NAV2: variants seen among roughly 807,000 people sequenced by gnomAD.
NAV2 encodes helicase, APC down-regulated 1.
A neutral mutation model predicts 223.2 loss-of-function variants in NAV2; 54 were observed. The ratio of observed to expected loss-of-function variants is 0.24; its 90% CI spans 0.19 to 0.30. NAV2 has a LOEUF of 0.30. Among genes scored for constraint, NAV2 ranks in the 10% least tolerant of loss-of-function variants. The pLI, the probability that NAV2 is intolerant of heterozygous loss-of-function variation, is 1.00. For missense variants in NAV2, 2,806 were observed against 3,147.5 expected (o/e 0.89, Z 2.60); for synonymous variants, 1,279 against 1,239.3 (o/e 1.03, Z -0.67).
chr11:19,513,579 T>C (rs192039502), intron 1 of NAV2, among the ~76,000 whole-genome samples: 95 of 152,318 alleles, frequency 6.2e-4, no homozygotes, highest in Non-Finnish European at 1.1e-3. Flanking sequence ...TGGCACACTA[T>C]GTAAATCTCT....
intron 10 of NAV2, among the ~76,000 whole-genome samples, chr11:19,978,440 A>G (rs1483822995): frequency 4.6e-5 from 7 of 152,180 alleles, no homozygotes; most frequent in African/African-American, 1.7e-4. Flanking sequence ...AATGCAACAA[A>G]GTATGTGTTG....
At chr11:19,514,034 C>T (rs1399773201) in intron 1 of NAV2, among the ~76,000 whole-genome samples, 1 of 152,172 alleles carries the variant, frequency 6.6e-6, no homozygotes, top group African/African-American at 2.4e-5. Flanking sequence ...TTTAAGCCAC[C>T]CAGTTTGTGG....
chr11:19,547,442 A>G (rs1021870611), intron 1 of NAV2, among the ~76,000 whole-genome samples: 1 of 152,282 alleles, frequency 6.6e-6, no homozygotes. Context: ...ACCTCATTGA[A>G]GCTGATTTTT....
intron 1 of NAV2, among the ~76,000 whole-genome samples, chr11:19,801,379 C>T (rs892916487): frequency 2.0e-5 from 3 of 152,248 alleles, no homozygotes; most frequent in African/African-American, 7.2e-5. Context: ...TGCTGTCCTC[C>T]TTGGGCACCT....
upstream of NAV2, among the ~76,000 whole-genome samples, chr11:19,708,599 A>G (rs1323033110): frequency 6.6e-6 from 1 of 152,168 alleles, no homozygotes; most frequent in East Asian, 1.9e-4. Context: ...CTCACAGGTC[A>G]GGTCTGAAGC....
chr11:19,756,179 G>A (rs549174379), intron 1 of NAV2, among the ~76,000 whole-genome samples: 3 of 152,238 alleles, frequency 2.0e-5, no homozygotes, highest in South Asian at 2.1e-4. Flanking sequence ...GGTTGGTTAC[G>A]TCTGGATTCC....
At position 19,892,237 on chromosome 11, in the gene NAV2, A is replaced by G. The variant is rs748576060; in HGVS notation, c.771-197A>G. Among the ~76,000 whole-genome samples the G allele has an allele frequency of 2.0e-5, 3 of 152,266 alleles. No homozygotes were observed. The Middle Eastern group carries it at 0.01, about 518-fold the overall frequency. ...CTCTCTGCTCAAAGGGAAACTTCAC[A>G]TTTTGCTGTTGGACTTTGCTGGGGT... is the stretch of plus-strand genomic sequence containing the variant. On this transcript the variant is annotated intron_variant, in intron 5 of 37. Transcript: ENST00000349880.
chr11:20,002,645 G>A (rs1388403922), intron 11 of NAV2, among the ~76,000 whole-genome samples: 1 of 152,112 alleles, frequency 6.6e-6, no homozygotes, highest in African/African-American at 2.4e-5. Context: ...CTGAGCCTGG[G>A]GAGTTTTGTT....
chr11:19,636,489 A>AT (rs5790080), intron 1 of NAV2, among the ~76,000 whole-genome samples: 3,647 of 136,214 alleles, frequency 0.027, 80 homozygotes, highest in African/African-American at 0.051. Flanking sequence ...GTTCTGCAGT[A>AT]TTTTTTTTTT....
chr11:19,566,290 C>T (rs2045267599), intron 1 of NAV2, among the ~76,000 whole-genome samples: 1 of 152,000 alleles, frequency 6.6e-6, no homozygotes, highest in South Asian at 2.1e-4. Context: ...GTTGCCCAGG[C>T]TAGTCTCAAA....
intron 1 of NAV2, among the ~76,000 whole-genome samples, chr11:19,675,755 A>G (rs1437232620): frequency 6.6e-6 from 1 of 152,182 alleles, no homozygotes; most frequent in East Asian, 1.9e-4. Flanking sequence ...CTACTCCCTC[A>G]ACTGAGTTAG....
intron 6 of NAV2, among the ~76,000 whole-genome samples, chr11:19,903,955 G>C (rs1387703917): frequency 6.6e-6 from 1 of 152,182 alleles, no homozygotes; most frequent in East Asian, 1.9e-4. Context: ...GAGTGGTGAG[G>C]AACTGACAGC....
chr11:20,082,936 C>T, intron 25 of NAV2, 71 bp from the exon 26 acceptor site: 2 of 1,392,548 alleles, frequency 1.4e-6, no homozygotes, highest in Non-Finnish European at 2.0e-6. Context: ...TTTTTGTGTG[C>T]ATGTCTCTGT....
Position 19,639,131 on chromosome 11 carries a change from G to T in NAV2, c.76-193353G>T, listed in dbSNP as rs144658124. On this transcript the variant is annotated intron_variant, in intron 1 of 37. Transcript: ENST00000360655. ...GCCCTTGACTAGCATCTAAGAACTA[G>T]GGTTTCTGGAGGGTTCTCATCATTC... Among the ~76,000 whole-genome samples, 675 of 152,300 alleles carry T rather than the reference G, an allele frequency of 4.4e-3. 6 individuals are homozygous for T. Among genetic ancestry groups the T allele is most frequent in the Non-Finnish European group, 6.0e-3 (405 of 68,014 alleles).
At chr11:19,718,395 G>A (rs764387894) in intron 1 of NAV2, among the ~76,000 whole-genome samples, 11 of 152,164 alleles carry the variant, frequency 7.2e-5, no homozygotes, top group Non-Finnish European at 1.5e-4. Flanking sequence ...TTAGCAGCTG[G>A]TGTTCAAGTT....
intron 1 of NAV2, among the ~76,000 whole-genome samples, chr11:19,479,770 T>C (rs2042224418): frequency 2.0e-5 from 3 of 152,344 alleles, no homozygotes; most frequent in South Asian, 2.1e-4. Flanking sequence ...AACAAGGAGA[T>C]AGTGCCCAAT....
intron 6 of NAV2, among the ~76,000 whole-genome samples, chr11:19,913,150 A>G (rs2043463680): frequency 6.6e-6 from 1 of 152,218 alleles, no homozygotes; most frequent in East Asian, 1.9e-4. Context: ...TGTGTAATAT[A>G]ACCAGGTCAG....
chr11:19,395,236 C>T (rs1590116482), intron 1 of NAV2, among the ~76,000 whole-genome samples: 1 of 152,368 alleles, frequency 6.6e-6, no homozygotes, highest in East Asian at 1.9e-4. Context: ...ATTCACATTC[C>T]TGTTCATTGT....
At chr11:19,821,374 C>G (rs1256189778) in intron 1 of NAV2, among the ~76,000 whole-genome samples, 1 of 151,960 alleles carries the variant, frequency 6.6e-6, no homozygotes, top group Non-Finnish European at 1.5e-5. Flanking sequence ...ACCTGTTTCT[C>G]CCAGCACGTT....
Sources: gnomAD v4.1 joint callset for allele counts (sites outside exome capture counted in the v4.1 genomes callset) on GRCh38, gnomAD v4.1.1 for gene constraint, MANE v1.5 for transcripts, NCBI Gene and HGNC (gene_info 2026-07-23, HGNC 2026-07-21) for gene names.